CNTNAP2: variants seen among roughly 807,000 people sequenced by gnomAD.
CNTNAP2 encodes the protein contactin-associated protein-like 2.
A neutral mutation model predicts 155.2 loss-of-function variants in CNTNAP2; 98 were observed. That is an observed-to-expected ratio of 0.63 (90% CI 0.54 to 0.75). The LOEUF (loss-of-function observed/expected upper bound fraction) is 0.75. Ranked by LOEUF, CNTNAP2 falls within the 30% of genes least tolerant of loss-of-function variation. CNTNAP2 has a pLI of 0.00. For missense variants in CNTNAP2, 1,727 were observed against 1,688.1 expected, an observed-to-expected ratio of 1.02 and a Z score of -0.40; for synonymous variants, 651 against 631.2, an observed-to-expected ratio of 1.03 and a Z score of -0.47.
At chr7:147,171,693 T>C (rs751351493) in intron 8 of CNTNAP2, among the ~76,000 whole-genome samples, 1 of 152,190 alleles carries the variant, frequency 6.6e-6, no homozygotes, top group Non-Finnish European at 1.5e-5. Context: ...TCTCCAAATA[T>C]ACATGTGGTA....
intron 13 of CNTNAP2, among the ~76,000 whole-genome samples, chr7:147,762,629 A>T (rs1163179832): frequency 6.6e-5 from 10 of 150,878 alleles, no homozygotes. Flanking sequence ...AACTGTGCTC[A>T]GTAATTAACT....
intron 11 of CNTNAP2, among the ~76,000 whole-genome samples, chr7:147,513,370 A>G (rs897836201): frequency 3.9e-5 from 6 of 152,074 alleles, no homozygotes; most frequent in African/African-American, 1.4e-4. Flanking sequence ...CCTACAAAAT[A>G]GTAGTTGCAT....
intron 1 of CNTNAP2, among the ~76,000 whole-genome samples, chr7:146,533,921 TAA>T (rs998832118): frequency 6.6e-6 from 1 of 152,104 alleles, no homozygotes; most frequent in Non-Finnish European, 1.5e-5. Context: ...GGCAATAACA[TAA>T]GAGTAACATA....
intron 3 of CNTNAP2, among the ~76,000 whole-genome samples, chr7:146,859,898 A>G (rs1161755244): frequency 2.6e-5 from 4 of 152,148 alleles, no homozygotes; most frequent in Non-Finnish European, 5.9e-5. Context: ...GGAAAATATG[A>G]AAGAGAAAAA....
intron 13 of CNTNAP2, among the ~76,000 whole-genome samples, chr7:147,811,886 A>G (rs764607413): frequency 6.6e-6 from 1 of 152,188 alleles, no homozygotes; most frequent in African/African-American, 2.4e-5. Flanking sequence ...AAGAATCTCC[A>G]TGTGGGTCCT....
intron 1 of CNTNAP2, among the ~76,000 whole-genome samples, chr7:146,287,392 G>C (rs879822284): frequency 2.6e-5 from 4 of 152,174 alleles, no homozygotes; most frequent in Non-Finnish European, 4.4e-5. Flanking sequence ...GGCAGGTGCT[G>C]AGAGGCAGAT....
At chr7:147,780,338 C>T (rs1165588024) in intron 13 of CNTNAP2, among the ~76,000 whole-genome samples, 2 of 152,128 alleles carry the variant, frequency 1.3e-5, no homozygotes, top group Non-Finnish European at 2.9e-5. Context: ...TTAGTATATG[C>T]ATCCATACTT....
intron 14 of CNTNAP2, among the ~76,000 whole-genome samples, chr7:147,925,082 G>T (rs1454105991): frequency 2.7e-5 from 4 of 150,772 alleles, no homozygotes; most frequent in Non-Finnish European, 5.9e-5. Flanking sequence ...TCATGCCACG[G>T]CACTGCAGCC....
chr7:147,509,240 T>G (rs1482761882), intron 11 of CNTNAP2, among the ~76,000 whole-genome samples: 20 of 152,196 alleles, frequency 1.3e-4, no homozygotes. Context: ...CTCTCTGTTC[T>G]CCCACAGCAT....
intron 3 of CNTNAP2, among the ~76,000 whole-genome samples, chr7:146,939,947 A>G (rs1001661666): frequency 1.3e-5 from 2 of 152,138 alleles, no homozygotes; most frequent in Non-Finnish European, 1.5e-5. Flanking sequence ...TCGGCTTGCC[A>G]AAGTCTCACC....
At chr7:147,864,537 A>T (rs1235296931) in intron 13 of CNTNAP2, among the ~76,000 whole-genome samples, 1 of 151,646 alleles carries the variant, frequency 6.6e-6, no homozygotes, top group Non-Finnish European at 1.5e-5. Context: ...CATTTTCATG[A>T]TATTGATTCT....
intron 1 of CNTNAP2, among the ~76,000 whole-genome samples, chr7:146,554,787 A>T (rs1270389490): frequency 6.6e-6 from 1 of 152,040 alleles, no homozygotes; most frequent in East Asian, 1.9e-4. Flanking sequence ...CACTGCACAG[A>T]GTCTCCGAGG....
At chr7:148,126,688 A>G (rs1421525285) in intron 16 of CNTNAP2, among the ~76,000 whole-genome samples, 1 of 152,210 alleles carries the variant, frequency 6.6e-6, no homozygotes, top group African/African-American at 2.4e-5. Context: ...TGAAATGGAC[A>G]GGGAATCCAT....
intron 11 of CNTNAP2, among the ~76,000 whole-genome samples, chr7:147,553,451 T>C (rs1167300496): frequency 6.6e-6 from 1 of 152,186 alleles, no homozygotes; most frequent in Non-Finnish European, 1.5e-5. Flanking sequence ...AAATAAAGTA[T>C]TTCCAAACTG....
intron 15 of CNTNAP2, among the ~76,000 whole-genome samples, chr7:148,053,634 C>T (rs1802934880): frequency 6.6e-6 from 1 of 152,064 alleles, no homozygotes; most frequent in Admixed American, 6.6e-5. Flanking sequence ...AGATAGATGG[C>T]AGAAGAAGGA....
chr7:147,707,140 A>C (rs1796327983), intron 13 of CNTNAP2, among the ~76,000 whole-genome samples: 1 of 152,102 alleles, frequency 6.6e-6, no homozygotes, highest in Admixed American at 6.6e-5. Flanking sequence ...TTTTGATTAG[A>C]ATATATTGCC....
chr7:147,921,201 T>G (rs1383674317), intron 14 of CNTNAP2, among the ~76,000 whole-genome samples: 3 of 152,134 alleles, frequency 2.0e-5, no homozygotes, highest in Non-Finnish European at 4.4e-5. Flanking sequence ...TTAAAGAGGA[T>G]CTTATGGACA....
intron 8 of CNTNAP2, among the ~76,000 whole-genome samples, chr7:147,187,982 G>GCC (rs1802602292): frequency 6.6e-6 from 1 of 152,060 alleles, no homozygotes; most frequent in Non-Finnish European, 1.5e-5. Context: ...GACCATTTAA[G>GCC]CCCGGGAGGT....
intron 15 of CNTNAP2, among the ~76,000 whole-genome samples, chr7:148,038,216 A>C (rs992797070): frequency 6.6e-6 from 1 of 152,196 alleles, no homozygotes; most frequent in Admixed American, 6.5e-5. Context: ...ATTCAGTCTG[A>C]TGCCTCAACC....
Sources: gnomAD v4.1 joint callset for allele counts (sites outside exome capture counted in the v4.1 genomes callset) on GRCh38, gnomAD v4.1.1 for gene constraint, MANE v1.5 for transcripts, NCBI Gene and HGNC (gene_info 2026-07-23, HGNC 2026-07-21) for gene names.